The following ZFP62 variants were observed in gnomAD, a reference collection of about 807,000 sequenced individuals.
The protein encoded by ZFP62 is zinc finger protein 62 homolog.
A neutral mutation model predicts 56.4 loss-of-function variants in ZFP62; 44 were observed. The ratio of observed to expected loss-of-function variants is 0.78; its 90% CI spans 0.61 to 1.00. The LOEUF (loss-of-function observed/expected upper bound fraction) is 1.00, where lower values mean the gene tolerates loss of function less well. Among genes scored for constraint, ZFP62 ranks in the 50% least tolerant of loss-of-function variants. The pLI is 0.00. For synonymous variants in ZFP62, 421 were observed against 388.9 expected (o/e 1.08, Z -0.97); for missense variants, 1,030 against 1,085.7 (o/e 0.95, Z 0.72).
Position 180,853,237 on chromosome 5 carries a change from A to C in ZFP62, c.2-1744T>G, listed in dbSNP as rs1217677562. Among the ~76,000 whole-genome samples, 5 of 152,362 alleles carry C rather than the reference A, an allele frequency of 3.3e-5. No individual in the cohort carries two copies. In the South Asian group the frequency reaches 8.3e-4, roughly 25 times the overall value. The stretch of plus-strand genomic sequence containing the variant: ...GGAGCATATACACAACGGAGTACTG[A>C]AAAAGGACGAGGAGCGCTTCTGAAT... On this transcript the variant is annotated intron_variant, in intron 1 of 1. Coordinates refer to ENST00000502412, the MANE Select transcript of ZFP62 (RefSeq NM_001172638.2).
At chr5:180,833,827 C>T in the ZFP62 span, among the ~76,000 whole-genome samples, 1 of 152,034 alleles carries the variant, frequency 6.6e-6, no homozygotes, top group Non-Finnish European at 1.5e-5. Flanking sequence ...TGCGCCACCA[C>T]ACCTGGCTAA....
At position 180,849,311 on chromosome 5, in the gene ZFP62, G is replaced by C. The variant is rs758339658; in HGVS notation, c.2184C>G (p.Pro728=). 69 of 1,552,198 alleles carry C rather than the reference G, an allele frequency of 4.4e-5. No individual in the cohort carries two copies. The highest frequency in any genetic ancestry group is 5.8e-5 in the Non-Finnish European group (67 of 1,147,206). Residue 728 remains proline (P), a synonymous_variant, in exon 2 of 2, where the codon CCC becomes CCG. Transcript: ENST00000502412. ...SHKRVHLGEK[P]FKCVECGKSF... is the part of the protein sequence containing the mutation. Reference sequence around the variant, plus strand: ...ATTTCCCACACTCAACACACTTGAAGGGTTTCTCCCCAAGATGGACTCTTT... The same window carrying C: ...ATTTCCCACACTCAACACACTTGAACGGTTTCTCCCCAAGATGGACTCTTT...
At chr5:180,852,552 CACA>C (rs1773768091) in intron 1 of ZFP62, among the ~76,000 whole-genome samples, 1 of 54,776 alleles carries the variant, frequency 1.8e-5, no homozygotes. Context: ...GACTCCGTCT[CACA>C]AAAAAAAAAA....
chr5:180,858,083 T>A (rs1190385654), intron 1 of ZFP62, among the ~76,000 whole-genome samples: 1 of 91,508 alleles, frequency 1.1e-5, no homozygotes, highest in African/African-American at 3.2e-5. Flanking sequence ...TGAAACCCCA[T>A]CTCTACTAAA....
At chr5:180,839,162 G>A in the ZFP62 span, among the ~76,000 whole-genome samples, 9 of 152,320 alleles carry the variant, frequency 5.9e-5, no homozygotes, top group South Asian at 1.9e-3. Flanking sequence ...TGTATATACA[G>A]TCAGGTTCCT....
At chr5:180,830,218 T>C in the ZFP62 span, 11 of 152,250 alleles carry the variant, frequency 7.2e-5, no homozygotes, top group Non-Finnish European at 1.2e-4. Context: ...CTTTAAGCCA[T>C]TGTCTTGTTG....
chr5:180,848,110 A>T lies in ZFP62; in HGVS notation c.*682T>A. 10 of 985,454 alleles carry T rather than the reference A, an allele frequency of 1.0e-5. No individual in the cohort carries two copies. The highest frequency in any genetic ancestry group is 1.2e-5 in the Non-Finnish European group (10 of 829,938). 61.0% of individuals were successfully genotyped at this position (985,454 alleles called of 1,614,324 possible). The stretch of plus-strand genomic sequence containing the variant: ...TTAAAAAAGTTTCATCCATTCAACT[A>T]ATGTATCACAATAGTACGTTCATCA... On this transcript the variant is annotated 3_prime_UTR_variant, in exon 2 of 2. Transcript: ENST00000502412.
chr5:180,849,246 A>G lies in ZFP62; in HGVS notation c.2249T>C (p.Ile750Thr). 10 of 1,557,180 alleles carry G rather than the reference A, an allele frequency of 6.4e-6. No individual in the cohort carries two copies. The highest frequency in any genetic ancestry group is 8.7e-6 in the Non-Finnish European group (10 of 1,150,278). Residue 750 changes from isoleucine to threonine, a missense_variant, in exon 2 of 2, where the codon ATC (isoleucine) becomes ACC (threonine). Ile to Thr is a moderately conservative substitution (Grantham distance 89). Coordinates refer to ENST00000502412, the MANE Select transcript of ZFP62 (RefSeq NM_001172638.2). The part of the protein sequence containing the change: ...YSSLLSQHKR[I>T]HTGEKPYVCD... ...CACATAGGGTTTCTCCCCTGTGTGG[A>G]TCCTCTTGTGCTGAGAAAGGAGAGA...
Position 180,850,841 on chromosome 5 carries a change from G to A in ZFP62, c.654C>T (p.Thr218=). 1 of 1,564,460 alleles carries A rather than the reference G, an allele frequency of 6.4e-7. No homozygotes were observed. The highest frequency in any genetic ancestry group is 1.2e-5 in the South Asian group (1 of 85,388). The change falls in exon 2 of 2, where the codon ACC becomes ACT. Residue 218 remains threonine (T), a synonymous_variant. Coordinates refer to ENST00000502412, the MANE Select transcript of ZFP62 (RefSeq NM_001172638.2). ...SYSSLINHKS[T]HSGEKNCKCD... ...ATTTACAGTTCTTCTCCCCAGAATG[G>A]GTGCTTTTGTGGTTTATAAGGCTGG...
the ZFP62 span, among the ~76,000 whole-genome samples, chr5:180,840,314 C>G: frequency 1.3e-5 from 2 of 152,138 alleles, no homozygotes; most frequent in Non-Finnish European, 2.9e-5. Context: ...AGTTGAGGAG[C>G]TGGGGATGGG....
At position 180,849,976 on chromosome 5, in the gene ZFP62, A is replaced by G. The variant is rs1408369800; in HGVS notation, c.1519T>C (p.Cys507Arg). 8.4e-6 allele frequency: 13 copies of G among 1,551,578 alleles called. No homozygotes were observed. The highest frequency in any genetic ancestry group is 8.7e-7 in the Non-Finnish European group (1 of 1,147,008). Residue 507 changes from cysteine (C) to arginine (R), a missense_variant, in exon 2 of 2, where the codon TGT (cysteine) becomes CGT (arginine). By Grantham distance (180) the Cys-to-Arg change is radical. Transcript: ENST00000502412. The stretch of plus-strand genomic sequence containing the variant: ...TTGAAGGATTTCTCACAATAGCTAC[A>G]TTTATAGGGCTTCTCCCCAAGGTGG... ...GIHLGEKPYK[C>R]SYCEKSFNYS...
downstream of ZFP62, among the ~76,000 whole-genome samples, chr5:180,843,684 G>C (rs530984008): frequency 7.2e-5 from 11 of 152,210 alleles, no homozygotes; most frequent in Non-Finnish European, 1.2e-4. Context: ...TATCTAAGTA[G>C]AGATAACTCA....
the ZFP62 span, among the ~76,000 whole-genome samples, chr5:180,833,365 G>C: frequency 1.3e-4 from 19 of 151,638 alleles, no homozygotes; most frequent in African/African-American, 3.9e-4. Flanking sequence ...TGTAGTCCCA[G>C]CTACTCAGGA....
At chr5:180,852,235 T>C (rs1325035416) in intron 1 of ZFP62, among the ~76,000 whole-genome samples, 1 of 152,098 alleles carries the variant, frequency 6.6e-6, no homozygotes, top group Admixed American at 6.5e-5. Context: ...TTTAATAGTG[T>C]TGTAACAACT....
At chr5:180,844,369 A>G (rs1773370943), downstream of ZFP62, among the ~76,000 whole-genome samples, 1 of 152,226 alleles carries the variant, frequency 6.6e-6, no homozygotes, top group Non-Finnish European at 1.5e-5. Context: ...CCAAGACCAG[A>G]GGAACTTCAC....
the ZFP62 span, among the ~76,000 whole-genome samples, chr5:180,842,335 T>C: frequency 6.6e-6 from 1 of 152,002 alleles, no homozygotes; most frequent in Non-Finnish European, 1.5e-5. Flanking sequence ...TGGCTGAGAA[T>C]TTACCAAAAC....
chr5:180,846,098 G>A (rs1307628707), downstream of ZFP62, among the ~76,000 whole-genome samples: 2 of 152,172 alleles, frequency 1.3e-5, no homozygotes, highest in African/African-American at 4.8e-5. Flanking sequence ...CCTGGTCTGA[G>A]CAGGCTCAGC....
chr5:180,847,230 G>A (rs553231214), downstream of ZFP62, among the ~76,000 whole-genome samples: 1 of 152,302 alleles, frequency 6.6e-6, no homozygotes, highest in African/African-American at 2.4e-5. Flanking sequence ...TCTCAGACAG[G>A]TTACTCAATT....
chr5:180,829,023 A>T, the ZFP62 span, among the ~76,000 whole-genome samples: 2 of 152,024 alleles, frequency 1.3e-5, no homozygotes, highest in African/African-American at 4.8e-5. Flanking sequence ...GGATTGGGAA[A>T]CTCCATCCTG....
Sources: allele counts gnomAD v4.1 joint callset (sites outside exome capture counted in the v4.1 genomes callset), GRCh38; gene constraint gnomAD v4.1.1; transcripts MANE v1.5; gene names NCBI Gene and HGNC (gene_info 2026-07-23, HGNC 2026-07-21).